Variants in CEMIP observed in about 807,000 individuals in gnomAD.
CEMIP encodes the protein cell migration inducing hyaluronidase 1.
A neutral mutation model predicts 156.9 loss-of-function variants in CEMIP; 105 were observed. The ratio of observed to expected loss-of-function variants is 0.67; its 90% CI spans 0.57 to 0.79. CEMIP has a LOEUF of 0.79. Among genes scored for constraint, CEMIP ranks in the 30% least tolerant of loss-of-function variants. The probability of loss-of-function intolerance (pLI) is 0.00; values close to 1 mark genes in which losing one functional copy is unlikely to be tolerated. For synonymous variants in CEMIP, 676 were observed against 668.4 expected, an observed-to-expected ratio of 1.01 and a Z score of -0.17; for missense variants, 1,457 against 1,769.4, an observed-to-expected ratio of 0.82 and a Z score of 3.17.
chr15:80,943,165 C>T, intron 28 of CEMIP, 63 bp downstream of exon 28: 2 of 1,560,716 alleles, frequency 1.3e-6, no homozygotes, highest in Non-Finnish European at 8.8e-7. Flanking sequence ...GGCAAGGGCC[C>T]CCTCCCTCTC....
At chr15:80,834,980 T>C (rs957589937) in intron 1 of CEMIP, among the ~76,000 whole-genome samples, 5 of 152,216 alleles carry the variant, frequency 3.3e-5, no homozygotes, top group Non-Finnish European at 7.3e-5. Flanking sequence ...ATGTGGCAGC[T>C]TCTTATATTA....
chr15:80,855,398 C>A (rs1286935468), intron 1 of CEMIP, among the ~76,000 whole-genome samples: 1 of 152,078 alleles, frequency 6.6e-6, no homozygotes, highest in Non-Finnish European at 1.5e-5. Context: ...GGAACTGAGC[C>A]GAGGACACCT....
chr15:80,924,017 G>A (rs1364542562), intron 17 of CEMIP, among the ~76,000 whole-genome samples: 6 of 152,322 alleles, frequency 3.9e-5, no homozygotes, highest in South Asian at 2.1e-4. Context: ...AAGAGGCCAC[G>A]AGAATCCAGA....
chr15:80,786,568 G>A (rs1001086255), intron 1 of CEMIP, among the ~76,000 whole-genome samples: 1 of 151,388 alleles, frequency 6.6e-6, no homozygotes, highest in East Asian at 1.9e-4. Context: ...GTGTGTGTGT[G>A]TGTGTGTGTG....
intron 1 of CEMIP, among the ~76,000 whole-genome samples, chr15:80,792,095 G>A (rs138495098): frequency 5.8e-4 from 89 of 152,282 alleles, no homozygotes; most frequent in African/African-American, 2.1e-3. Flanking sequence ...CCCTGTATGT[G>A]GTCTTAAAGC....
chr15:80,909,109 T>C lies in CEMIP; in HGVS notation c.1600T>C (p.Phe534Leu). ...FGGHIKFALG[F>L]KAAHLEGTEL... The stretch of plus-strand genomic sequence containing the variant: ...TCTCCTCTCCTAGTTTGCTCTGGGA[T>C]TTAAGGCAGCACACTTGGAGGGCAC... The change falls in exon 14 of 30, where the codon TTT becomes CTT. Residue 534 changes from phenylalanine to leucine, a missense_variant. This residue lies in a region of CEMIP where 280 missense variants were observed against 300.3 expected (regional missense o/e 0.93). Coordinates refer to ENST00000394685, the MANE Select transcript of CEMIP (RefSeq NM_001293298.2). 1 of 1,613,970 alleles carries C rather than the reference T, an allele frequency of 6.2e-7. No individual in the cohort carries two copies. Among genetic ancestry groups the C allele is most frequent in the South Asian group, 1.1e-5 (1 of 91,058 alleles).
intron 1 of CEMIP, among the ~76,000 whole-genome samples, chr15:80,791,523 G>A (rs1227836756): frequency 1.3e-5 from 2 of 152,140 alleles, no homozygotes; most frequent in Non-Finnish European, 2.9e-5. Flanking sequence ...GGGGTCTTGT[G>A]GTTCGAGTCG....
intron 14 of CEMIP, among the ~76,000 whole-genome samples, chr15:80,919,544 T>C (rs1900395418): frequency 6.6e-6 from 1 of 152,098 alleles, no homozygotes; most frequent in Non-Finnish European, 1.5e-5. Context: ...CACGGCGCGG[T>C]GGCTCACACC....
Position 80,932,058 on chromosome 15 carries a change from C to T in CEMIP, c.2793+19C>T. 6.2e-7 allele frequency: 1 copy of T among 1,610,978 alleles called. No individual in the cohort carries two copies. The highest frequency in any genetic ancestry group is 8.5e-7 in the Non-Finnish European group (1 of 1,179,884). On this transcript the variant is annotated intron_variant, in intron 22 of 29. Transcript: ENST00000394685. The surrounding 1 kb of genome is among the most constrained non-coding windows in gnomAD (Gnocchi z 4.5). ...CGTTCCGGTGAGTGAGGCGCCAGGG[C>T]AGACTCCCGGCAAACCCAGACTTTG...
At chr15:80,874,048 T>C in intron 3 of CEMIP, 75 bp downstream of exon 3, 1 of 1,391,366 alleles carries the variant, frequency 7.2e-7, no homozygotes, top group African/African-American at 1.4e-5. Context: ...AAGGCTGCTT[T>C]TGGGGGAGCC....
At chr15:80,873,795 A>G (rs1329305276) in intron 2 of CEMIP, 69 bp from the exon 3 acceptor site, 1 of 1,106,254 alleles carries the variant, frequency 9.0e-7, no homozygotes, top group Non-Finnish European at 1.3e-6. Context: ...GTTTATCTCC[A>G]TGTCGGCCCT....
chr15:80,884,246 G>A lies in CEMIP; in HGVS notation c.689G>A (p.Arg230Lys), dbSNP rs1053892693. 1.9e-6 allele frequency: 3 copies of A among 1,614,224 alleles called. No individual in the cohort carries two copies. Among genetic ancestry groups the A allele is most frequent in the Non-Finnish European group, 8.5e-7 (1 of 1,180,046 alleles). Residue 230 changes from arginine (R) to lysine (K), a missense_variant, in exon 7 of 30, where the codon AGG (arginine) becomes AAG (lysine). Transcript: ENST00000394685. ...VQYLNAVPDGRILSVAVNDEG... is the reference protein window; with the variant it reads ...VQYLNAVPDGKILSVAVNDEG... ...TATTTGAACGCGGTGCCCGATGGCA[G>A]GATCCTTTCTGTTGCAGTGAATGAT...
Position 80,932,726 on chromosome 15 carries a change from A to G in CEMIP, c.2794-519A>G, listed in dbSNP as rs1685739231. 6.6e-6 allele frequency among the ~76,000 whole-genome samples: 1 copy of G among 152,228 alleles called. No individual in the cohort carries two copies. The highest frequency in any genetic ancestry group is 1.5e-5 in the Non-Finnish European group (1 of 68,042). On this transcript the variant is annotated intron_variant, in intron 22 of 29. Coordinates refer to ENST00000394685, the MANE Select transcript of CEMIP (RefSeq NM_001293298.2). This position sits in a 1 kb window ranked among gnomAD's most constrained non-coding sequence, Gnocchi z 4.5. ...TAATGTCTTTACTCAGGCAACTGAG[A>G]GCCTGAAAGAGGTCAGTTATGGAAA...
intron 21 of CEMIP, among the ~76,000 whole-genome samples, chr15:80,930,272 A>T (rs1900856649): frequency 6.6e-6 from 1 of 152,252 alleles, no homozygotes; most frequent in South Asian, 2.1e-4. Flanking sequence ...GTCTAACCTG[A>T]GTAATGGAGC....
At chr15:80,865,328 C>T (rs1328248692) in intron 1 of CEMIP, among the ~76,000 whole-genome samples, 4 of 151,950 alleles carry the variant, frequency 2.6e-5, no homozygotes, top group Non-Finnish European at 5.9e-5. Flanking sequence ...TCTACGGGCT[C>T]GCGCCACCAC....
At chr15:80,938,029 T>A (rs1596207261) in intron 25 of CEMIP, 50 bp downstream of exon 25, 1 of 1,482,922 alleles carries the variant, frequency 6.7e-7, no homozygotes, top group East Asian at 2.3e-5. Flanking sequence ...CCTCATCTTG[T>A]CCCCTTGGCC....
At chr15:80,842,575 T>C (rs889536576) in intron 1 of CEMIP, among the ~76,000 whole-genome samples, 1 of 151,884 alleles carries the variant, frequency 6.6e-6, no homozygotes, top group Admixed American at 6.6e-5. Flanking sequence ...CTACTAAAAA[T>C]ACAAAAATTA....
intron 3 of CEMIP, among the ~76,000 whole-genome samples, chr15:80,874,467 GT>G (rs201425169): frequency 8.2e-6 from 1 of 121,980 alleles, no homozygotes; most frequent in Non-Finnish European, 1.8e-5. Context: ...CTAATAGGCT[GT>G]TAAAAAAAAA....
intron 10 of CEMIP, among the ~76,000 whole-genome samples, chr15:80,891,948 C>T (rs12594845): frequency 0.25 from 37,834 of 152,136 alleles, 5,054 homozygotes; most frequent in East Asian, 0.43. Context: ...CCATTTTTAG[C>T]AGGTGACAAA....
Sources: allele counts gnomAD v4.1 joint callset (sites outside exome capture counted in the v4.1 genomes callset), GRCh38; gene constraint gnomAD v4.1.1; regional missense constraint gnomAD v4.1.1; non-coding constraint Gnocchi (gnomAD v3.1); transcripts MANE v1.5; gene names NCBI Gene and HGNC (gene_info 2026-07-23, HGNC 2026-07-21).